SEMA6D: variants seen among roughly 807,000 people sequenced by gnomAD.
The protein encoded by SEMA6D is semaphorin-6D.
Under a neutral mutation model 106.6 loss-of-function variants are expected in SEMA6D, and 35 were observed. The ratio of observed to expected loss-of-function variants is 0.33; its 90% CI spans 0.25 to 0.44. SEMA6D has a LOEUF of 0.44. SEMA6D is among the 20% of genes least tolerant of loss of function. The pLI is 1.00. For synonymous variants in SEMA6D, 499 were observed against 487.7 expected, an observed-to-expected ratio of 1.02 and a Z score of -0.31; for missense variants, 1,185 against 1,345.9, an observed-to-expected ratio of 0.88 and a Z score of 1.87.
intron 4 of SEMA6D, among the ~76,000 whole-genome samples, chr15:47,702,205 G>T (rs867561185): frequency 6.6e-6 from 1 of 152,002 alleles, no homozygotes; most frequent in Non-Finnish European, 1.5e-5. Context: ...CAGAAAAATG[G>T]GCCAAAACCT....
chr15:47,615,491 A>G (rs976836882), intron 4 of SEMA6D, among the ~76,000 whole-genome samples: 18 of 152,206 alleles, frequency 1.2e-4, no homozygotes, highest in African/African-American at 4.3e-4. Flanking sequence ...GGCTTCATTT[A>G]TACACACAAA....
chr15:47,289,449 T>A (rs1446334052), intron 1 of SEMA6D, among the ~76,000 whole-genome samples: 1 of 151,786 alleles, frequency 6.6e-6, no homozygotes, highest in African/African-American at 2.4e-5. Flanking sequence ...TCAGCATATT[T>A]GTTTTTCAGT....
At chr15:47,398,311 G>T (rs1279575678) in intron 1 of SEMA6D, among the ~76,000 whole-genome samples, 2 of 152,138 alleles carry the variant, frequency 1.3e-5, no homozygotes, top group African/African-American at 4.8e-5. Flanking sequence ...CTTCTTATCT[G>T]ATCTGGCTCT....
intron 3 of SEMA6D, among the ~76,000 whole-genome samples, chr15:47,493,330 C>T (rs538272051): frequency 6.6e-6 from 1 of 152,232 alleles, no homozygotes; most frequent in Admixed American, 6.5e-5. Flanking sequence ...TAGCAACTCT[C>T]ACCTCTCAGT....
chr15:47,488,593 G>A (rs994126563), intron 3 of SEMA6D, among the ~76,000 whole-genome samples: 77 of 152,056 alleles, frequency 5.1e-4, no homozygotes, highest in African/African-American at 1.8e-3. Context: ...CAAACATGTA[G>A]GGCAATAGTA....
At chr15:47,206,686 G>A (rs1016476263) in intron 1 of SEMA6D, among the ~76,000 whole-genome samples, 7 of 152,006 alleles carry the variant, frequency 4.6e-5, no homozygotes, top group Admixed American at 3.9e-4. Flanking sequence ...GTGGTCATGT[G>A]TGCATGTTCT....
intron 1 of SEMA6D, among the ~76,000 whole-genome samples, chr15:47,328,379 G>A (rs1418468161): frequency 6.6e-6 from 1 of 152,136 alleles, no homozygotes; most frequent in Non-Finnish European, 1.5e-5. Context: ...TGAAAATCCT[G>A]ATTTTCCCAC....
intron 1 of SEMA6D, among the ~76,000 whole-genome samples, chr15:47,756,755 A>G (rs2081765512): frequency 6.6e-6 from 1 of 152,126 alleles, no homozygotes; most frequent in Admixed American, 6.5e-5. Flanking sequence ...AAGTAGTCTG[A>G]GGGGTTTACA....
At chr15:47,492,639 G>T (rs1213633816) in intron 3 of SEMA6D, among the ~76,000 whole-genome samples, 1 of 152,126 alleles carries the variant, frequency 6.6e-6, no homozygotes, top group Non-Finnish European at 1.5e-5. Flanking sequence ...TACCTTAAGT[G>T]AATTCTTAAA....
chr15:47,729,552 C>T (rs1205637743), intron 1 of SEMA6D, among the ~76,000 whole-genome samples: 1 of 152,208 alleles, frequency 6.6e-6, no homozygotes, highest in Non-Finnish European at 1.5e-5. Flanking sequence ...GGCTCTGGCA[C>T]TGCCCCTTGG....
At chr15:47,641,489 G>A (rs751333468) in intron 4 of SEMA6D, among the ~76,000 whole-genome samples, 2 of 152,128 alleles carry the variant, frequency 1.3e-5, no homozygotes, top group Admixed American at 1.3e-4. Flanking sequence ...TGTGCTTAGG[G>A]AAGTACCTGG....
chr15:47,453,286 C>T (rs955557650), intron 2 of SEMA6D, among the ~76,000 whole-genome samples: 19 of 148,352 alleles, frequency 1.3e-4, no homozygotes, highest in Non-Finnish European at 2.4e-4. Context: ...AGTGCCCTTT[C>T]GAAAAAAAAA....
At chr15:47,667,640 G>A (rs117585054) in intron 4 of SEMA6D, among the ~76,000 whole-genome samples, 2,356 of 152,248 alleles carry the variant, frequency 0.015, 30 homozygotes, top group Middle Eastern at 0.024. Context: ...CTTGATGTCC[G>A]GTGAGAGTGC....
chr15:47,219,677 A>T (rs1177680134), intron 1 of SEMA6D, among the ~76,000 whole-genome samples: 4 of 152,250 alleles, frequency 2.6e-5, no homozygotes, highest in Non-Finnish European at 5.9e-5. Flanking sequence ...GGGGCTAGAT[A>T]GAATTATATT....
At position 47,291,973 on chromosome 15, in the gene SEMA6D, A is replaced by C. The variant is rs1480934410; in HGVS notation, c.-239+107555A>C. On this transcript the variant is annotated intron_variant, in intron 1 of 19. Coordinates refer to the SEMA6D transcript ENST00000558014. ...CTCCACCTGTTGATATGTTTGTAAG[A>C]GAAATCTCATGTATATGCACATATG... 5.1e-4 allele frequency among the ~76,000 whole-genome samples: 78 copies of C among 152,384 alleles called. 2 individuals carry two copies. Among genetic ancestry groups the C allele is most frequent in the Admixed American group, 5.0e-3 (77 of 15,302 alleles).
chr15:47,370,952 G>T (rs1402255227), intron 1 of SEMA6D, among the ~76,000 whole-genome samples: 1 of 152,210 alleles, frequency 6.6e-6, no homozygotes, highest in Non-Finnish European at 1.5e-5. Context: ...AGGGAATGAT[G>T]TAGTTCAGGG....
intron 1 of SEMA6D, among the ~76,000 whole-genome samples, chr15:47,389,729 G>A (rs1037013450): frequency 1.3e-5 from 2 of 152,142 alleles, no homozygotes; most frequent in Non-Finnish European, 2.9e-5. Context: ...CCACCCAGTT[G>A]TTTAGGCTGG....
chr15:47,721,443 C>T (rs547872122), intron 1 of SEMA6D, among the ~76,000 whole-genome samples: 5 of 152,040 alleles, frequency 3.3e-5, no homozygotes, highest in Non-Finnish European at 7.4e-5. Context: ...CTTGGGTTGC[C>T]GCTGATTTTG....
intron 1 of SEMA6D, among the ~76,000 whole-genome samples, chr15:47,349,874 C>T (rs532755822): frequency 2.0e-5 from 3 of 152,230 alleles, no homozygotes; most frequent in South Asian, 4.1e-4. Flanking sequence ...GATGAAATAA[C>T]CTTGGAAGTT....
Sources: gnomAD v4.1 joint callset for allele counts (sites outside exome capture counted in the v4.1 genomes callset) on GRCh38, gnomAD v4.1.1 for gene constraint, MANE v1.5 for transcripts, NCBI Gene and HGNC (gene_info 2026-07-23, HGNC 2026-07-21) for gene names.